TCF4: variants seen among roughly 807,000 people sequenced by gnomAD.
TCF4 encodes SL3-3 enhancer factor 2.
Under a neutral mutation model 82.1 loss-of-function variants are expected in TCF4, and 3 were observed. That is an observed-to-expected ratio of 0.04 (90% CI 0.02 to 0.09). TCF4 has a LOEUF of 0.09. TCF4 is among the 10% of genes least tolerant of loss of function. The probability of loss-of-function intolerance (pLI) is 1.00; values close to 1 mark genes in which losing one functional copy is unlikely to be tolerated. For missense variants in TCF4, 518 were observed against 852.7 expected, an observed-to-expected ratio of 0.61 and a Z score of 4.89; for synonymous variants, 276 against 309.6, an observed-to-expected ratio of 0.89 and a Z score of 1.14.
intron 5 of TCF4, among the ~76,000 whole-genome samples, chr18:55,442,339 A>G (rs1421337528): frequency 6.6e-6 from 1 of 152,224 alleles, no homozygotes; most frequent in Admixed American, 6.5e-5. Flanking sequence ...GATTTTTAAA[A>G]CAAAGCAGTT....
At chr18:55,365,922 C>CA (rs1052243307) in intron 6 of TCF4, among the ~76,000 whole-genome samples, 8 of 151,432 alleles carry the variant, frequency 5.3e-5, no homozygotes, top group Admixed American at 3.3e-4. Flanking sequence ...ACAACAACAA[C>CA]AAAAAAACTA....
At chr18:55,570,600 G>A (rs375640369) in intron 3 of TCF4, among the ~76,000 whole-genome samples, 440 of 152,132 alleles carry the variant, frequency 2.9e-3, no homozygotes, top group Non-Finnish European at 4.8e-3. Context: ...ACCACAATGC[G>A]GCCCTGTGTG....
rs143463805 is a variant in TCF4 at position 55,277,116 on chromosome 18, T to C, written c.656-1364A>G. On this transcript the variant is annotated intron_variant, in intron 9 of 19. Coordinates refer to ENST00000354452, the MANE Select transcript of TCF4 (RefSeq NM_001083962.2). ...CCTTAATTGCATATTCCTTCAAGTCTTGAATTCTCAGGGCACCAAGTACCC... is the reference window on the plus strand; with the variant it reads ...CCTTAATTGCATATTCCTTCAAGTCCTGAATTCTCAGGGCACCAAGTACCC... 7.9e-5 allele frequency among the ~76,000 whole-genome samples: 12 copies of C among 152,304 alleles called. 1 individual carries two copies. Among genetic ancestry groups the C allele is most frequent in the African/African-American group, 1.4e-4 (6 of 41,568 alleles).
intron 3 of TCF4, among the ~76,000 whole-genome samples, chr18:55,552,973 T>A (rs1035377714): frequency 5.3e-5 from 8 of 152,188 alleles, no homozygotes; most frequent in Non-Finnish European, 7.3e-5. Context: ...ATATTTGCAC[T>A]TGCGTACATT....
At chr18:55,625,895 C>T (rs2097726135) in intron 2 of TCF4, among the ~76,000 whole-genome samples, 1 of 152,174 alleles carries the variant, frequency 6.6e-6, no homozygotes, top group Non-Finnish European at 1.5e-5. Context: ...TGAATGTAAT[C>T]CTGGAGATAA....
chr18:55,237,924 C>T (rs1055736591), intron 15 of TCF4, among the ~76,000 whole-genome samples: 4 of 152,212 alleles, frequency 2.6e-5, no homozygotes, highest in Middle Eastern at 6.3e-3. Flanking sequence ...ACAAATCCAT[C>T]GCTAGAATAA....
intron 11 of TCF4, among the ~76,000 whole-genome samples, chr18:55,263,001 T>C (rs1334525217): frequency 1.1e-4 from 17 of 152,152 alleles, no homozygotes; most frequent in Non-Finnish European, 2.1e-4. Context: ...AGACAGGGTT[T>C]CACCATGTTG....
At chr18:55,310,383 A>T (rs2071944689) in intron 8 of TCF4, among the ~76,000 whole-genome samples, 1 of 152,172 alleles carries the variant, frequency 6.6e-6, no homozygotes, top group African/African-American at 2.4e-5. Context: ...TTTGTATATC[A>T]TGGGGAGGAA....
intron 6 of TCF4, among the ~76,000 whole-genome samples, chr18:55,389,913 CT>C (rs2092931007): frequency 6.6e-6 from 1 of 151,836 alleles, no homozygotes; most frequent in South Asian, 2.1e-4. Flanking sequence ...AAACTGAGGA[CT>C]TTTGGAGATG....
intron 3 of TCF4, among the ~76,000 whole-genome samples, chr18:55,522,309 C>T (rs575381192): frequency 1.0e-3 from 152 of 152,002 alleles, no homozygotes; most frequent in Non-Finnish European, 1.6e-3. Context: ...TTGCAGCGTC[C>T]TAAAGTTTAA....
intron 8 of TCF4, among the ~76,000 whole-genome samples, chr18:55,301,497 C>T (rs1480629103): frequency 6.6e-6 from 1 of 152,186 alleles, no homozygotes; most frequent in Non-Finnish European, 1.5e-5. Flanking sequence ...TCACCGCACA[C>T]AGCTATTTGT....
At chr18:55,362,346 G>A (rs2085452054) in intron 6 of TCF4, among the ~76,000 whole-genome samples, 1 of 72,022 alleles carries the variant, frequency 1.4e-5, no homozygotes, top group Non-Finnish European at 2.6e-5. Flanking sequence ...AAAGAGGAAG[G>A]AAGGAAGGAA....
chr18:55,326,734 T>C (rs1329564964), intron 8 of TCF4, among the ~76,000 whole-genome samples: 2 of 152,194 alleles, frequency 1.3e-5, no homozygotes, highest in East Asian at 3.8e-4. Flanking sequence ...ATTTAGAAGC[T>C]AAACTAATTG....
chr18:55,301,495 C>A (rs2068261138), intron 8 of TCF4, among the ~76,000 whole-genome samples: 1 of 152,176 alleles, frequency 6.6e-6, no homozygotes, highest in African/African-American at 2.4e-5. Flanking sequence ...GTTCACCGCA[C>A]ACAGCTATTT....
intron 8 of TCF4, among the ~76,000 whole-genome samples, chr18:55,334,926 G>C (rs1211494322): frequency 6.6e-6 from 1 of 152,146 alleles, no homozygotes; most frequent in Non-Finnish European, 1.5e-5. Flanking sequence ...TGAGAGCAAA[G>C]GGAAAGTTTG....
At chr18:55,438,804 C>T (rs2095382779) in intron 5 of TCF4, among the ~76,000 whole-genome samples, 1 of 152,106 alleles carries the variant, frequency 6.6e-6, no homozygotes, top group South Asian at 2.1e-4. Flanking sequence ...ACAGCTGTTA[C>T]AGTAGTATCT....
chr18:55,285,771 T>C (rs1022173669), intron 8 of TCF4, among the ~76,000 whole-genome samples: 10 of 152,210 alleles, frequency 6.6e-5, no homozygotes, highest in Non-Finnish European at 2.9e-5. Flanking sequence ...GCCTAGCTCA[T>C]GTAAGACTTG....
intron 6 of TCF4, among the ~76,000 whole-genome samples, chr18:55,358,867 T>C (rs575497860): frequency 4.9e-4 from 74 of 152,330 alleles, no homozygotes; most frequent in African/African-American, 1.7e-3. Context: ...CTGGGAAATG[T>C]TGTATAAGAG....
chr18:55,590,322 G>T (rs899312552), upstream of TCF4, among the ~76,000 whole-genome samples: 17 of 152,286 alleles, frequency 1.1e-4, no homozygotes, highest in Non-Finnish European at 1.3e-4. Context: ...GCTGGAAGAG[G>T]GATGTGGGTC....
Sources: allele counts gnomAD v4.1 joint callset (sites outside exome capture counted in the v4.1 genomes callset), GRCh38; gene constraint gnomAD v4.1.1; transcripts MANE v1.5; gene names NCBI Gene and HGNC (gene_info 2026-07-23, HGNC 2026-07-21).